The following RANBP17 variants were observed in gnomAD, a reference collection of about 807,000 sequenced individuals.
RANBP17 encodes the protein RAN binding protein 17, also known as ran-binding protein 17.
Under a neutral mutation model 141.2 loss-of-function variants are expected in RANBP17, and 158 were observed. That is an observed-to-expected ratio of 1.12 (90% CI 0.98 to 1.28). The LOEUF (loss-of-function observed/expected upper bound fraction) is 1.28, where lower values mean the gene tolerates loss of function less well. RANBP17 is among the 50% of genes most tolerant of loss of function. The probability of loss-of-function intolerance (pLI) is 0.00; values close to 1 mark genes in which losing one functional copy is unlikely to be tolerated. For missense variants in RANBP17, 1,438 were observed against 1,290.7 expected (o/e 1.11, Z -1.75); for synonymous variants, 430 against 450.0 (o/e 0.96, Z 0.56).
At chr5:171,242,580 T>A in intron 23 of RANBP17, 102 bp from the exon 24 acceptor site, 2 of 1,236,824 alleles carry the variant, frequency 1.6e-6, no homozygotes, top group Non-Finnish European at 1.2e-6. Context: ...TGTGTTTAAA[T>A]AAGTTTACAA....
intron 24 of RANBP17, among the ~76,000 whole-genome samples, chr5:171,264,441 C>A (rs1385726873): frequency 6.6e-6 from 1 of 152,100 alleles, no homozygotes; most frequent in Non-Finnish European, 1.5e-5. Context: ...ATCCAGAGTT[C>A]AACTCCTTGT....
chr5:171,256,970 G>A (rs746539484), intron 24 of RANBP17, among the ~76,000 whole-genome samples: 6 of 149,950 alleles, frequency 4.0e-5, no homozygotes, highest in Admixed American at 1.3e-4. Context: ...AAATCCAGAC[G>A]TACAAACATA....
At chr5:171,064,373 CT>C (rs1784149878) in intron 14 of RANBP17, among the ~76,000 whole-genome samples, 2 of 152,158 alleles carry the variant, frequency 1.3e-5, no homozygotes, top group African/African-American at 4.8e-5. Context: ...AAAAAATTGA[CT>C]TTTATTGTAA....
At chr5:171,141,879 C>G (rs1757728814) in intron 14 of RANBP17, among the ~76,000 whole-genome samples, 1 of 152,134 alleles carries the variant, frequency 6.6e-6, no homozygotes, top group African/African-American at 2.4e-5. Context: ...CACAGAATAC[C>G]TGGCATATCC....
intron 4 of RANBP17, among the ~76,000 whole-genome samples, chr5:170,895,557 C>T (rs1284852344): frequency 2.0e-5 from 3 of 152,076 alleles, no homozygotes; most frequent in African/African-American, 4.8e-5. Flanking sequence ...TTAAAAGAGC[C>T]TAAGTGATCC....
intron 14 of RANBP17, among the ~76,000 whole-genome samples, chr5:170,979,346 T>G (rs998262641): frequency 6.6e-6 from 1 of 152,178 alleles, no homozygotes; most frequent in Non-Finnish European, 1.5e-5. Context: ...TTATAAGAAC[T>G]CTAGTTAAAT....
intron 14 of RANBP17, among the ~76,000 whole-genome samples, chr5:171,138,130 G>C (rs889839269): frequency 3.9e-5 from 6 of 151,970 alleles, no homozygotes; most frequent in African/African-American, 1.5e-4. Context: ...CAAATTCTAG[G>C]ATTAAAAACA....
At chr5:171,159,192 T>C (rs1759116706) in intron 14 of RANBP17, among the ~76,000 whole-genome samples, 1 of 152,206 alleles carries the variant, frequency 6.6e-6, no homozygotes. Flanking sequence ...CATCTTACTC[T>C]GAACCCAGTT....
chr5:170,877,589 A>G (rs1768293833), intron 1 of RANBP17, among the ~76,000 whole-genome samples: 2 of 152,214 alleles, frequency 1.3e-5, no homozygotes, highest in Admixed American at 1.3e-4. Flanking sequence ...GAGAAAGAAT[A>G]TAAATTTGGT....
At chr5:171,019,314 A>G (rs1561993580) in intron 14 of RANBP17, among the ~76,000 whole-genome samples, 1 of 152,190 alleles carries the variant, frequency 6.6e-6, no homozygotes, top group Non-Finnish European at 1.5e-5. Flanking sequence ...ATTGTTTGGA[A>G]TAGTTTCAGA....
chr5:170,968,339 A>G lies in RANBP17; in HGVS notation c.1672A>G (p.Lys558Glu), dbSNP rs372324017. Residue 558 changes from lysine (K) to glutamate (E), a missense_variant, in exon 14 of 28, where the codon AAA becomes GAA. Lys to Glu is a moderately conservative substitution (Grantham distance 56, BLOSUM62 1). Coordinates refer to ENST00000523189, the MANE Select transcript of RANBP17 (RefSeq NM_022897.5). Reference sequence around the variant, plus strand: ...TCTGTGGTTCTTGGATCAGTTTCGTAAAACATATGTTGGTGATCAACTTCA... The same window carrying G: ...TCTGTGGTTCTTGGATCAGTTTCGTGAAACATATGTTGGTGATCAACTTCA... ...AILWFLDQFRKTYVGDQLQRT... is the reference protein window; with the variant it reads ...AILWFLDQFRETYVGDQLQRT... 73 of 1,608,614 alleles carry G rather than the reference A, an allele frequency of 4.5e-5. No homozygotes were observed. The highest frequency in any genetic ancestry group is 5.9e-5 in the Non-Finnish European group (69 of 1,177,822).
At chr5:171,255,151 C>T (rs974205168) in intron 24 of RANBP17, among the ~76,000 whole-genome samples, 2 of 152,062 alleles carry the variant, frequency 1.3e-5, no homozygotes, top group African/African-American at 4.8e-5. Flanking sequence ...TATAGCCTGC[C>T]TGATCTACCA....
intron 24 of RANBP17, among the ~76,000 whole-genome samples, chr5:171,254,662 A>G (rs183125215): frequency 9.2e-5 from 14 of 152,310 alleles, no homozygotes; most frequent in Middle Eastern, 3.4e-3. Flanking sequence ...TATGTAAACC[A>G]TTGCAGTTTT....
intron 14 of RANBP17, among the ~76,000 whole-genome samples, chr5:171,004,896 G>T (rs2127581845): frequency 6.6e-6 from 1 of 152,266 alleles, no homozygotes; most frequent in African/African-American, 2.4e-5. Flanking sequence ...GCGAGCTGTG[G>T]CTTGGATGTT....
intron 14 of RANBP17, among the ~76,000 whole-genome samples, chr5:171,016,975 C>A: frequency 7.4e-6 from 1 of 135,952 alleles, no homozygotes; most frequent in Non-Finnish European, 1.5e-5. Context: ...CATTGTTCAA[C>A]TCCCACTTAC....
intron 14 of RANBP17, among the ~76,000 whole-genome samples, chr5:171,131,248 A>G (rs1431407744): frequency 6.6e-6 from 1 of 152,224 alleles, no homozygotes; most frequent in African/African-American, 2.4e-5. Flanking sequence ...ATTCTCCTTA[A>G]AAATATTAAG....
At chr5:171,297,458 C>CAAAT (rs1768887606) in intron 27 of RANBP17, among the ~76,000 whole-genome samples, 1 of 152,220 alleles carries the variant, frequency 6.6e-6, no homozygotes, top group Non-Finnish European at 1.5e-5. Flanking sequence ...ATTTGAAATG[C>CAAAT]AAATCATCAG....
chr5:171,027,992 G>A (rs752748950), intron 14 of RANBP17, among the ~76,000 whole-genome samples: 6 of 151,862 alleles, frequency 4.0e-5, no homozygotes, highest in Non-Finnish European at 8.8e-5. Context: ...GAGGTAAAAT[G>A]GAATTTTTTG....
At chr5:171,170,312 T>A in intron 15 of RANBP17, 109 bp downstream of exon 15, 3 of 473,534 alleles carry the variant, frequency 6.3e-6, no homozygotes, top group Non-Finnish European at 3.7e-6. Context: ...AATAAAAGAC[T>A]TAAAATTATG....
Sources: allele counts gnomAD v4.1 joint callset (sites outside exome capture counted in the v4.1 genomes callset), GRCh38; gene constraint gnomAD v4.1.1; transcripts MANE v1.5; gene names NCBI Gene and HGNC (gene_info 2026-07-23, HGNC 2026-07-21).